The following FIG4 variants were observed in gnomAD, a reference collection of about 807,000 sequenced individuals.
FIG4 encodes the protein polyphosphoinositide phosphatase.
Under a neutral mutation model 118.6 loss-of-function variants are expected in FIG4, and 112 were observed. The observed-to-expected ratio is 0.94, with a 90% CI of 0.81 to 1.11. The LOEUF (loss-of-function observed/expected upper bound fraction) is 1.11. Ranked by LOEUF, FIG4 falls within the 50% of genes least tolerant of loss-of-function variation. The probability of loss-of-function intolerance (pLI) is 0.00; values close to 1 mark genes in which losing one functional copy is unlikely to be tolerated. For synonymous variants in FIG4, 369 were observed against 381.2 expected, an observed-to-expected ratio of 0.97 and a Z score of 0.37; for missense variants, 969 against 1,111.7, an observed-to-expected ratio of 0.87 and a Z score of 1.83.
intron 22 of FIG4, among the ~76,000 whole-genome samples, chr6:109,808,937 G>A (rs771052467): frequency 3.3e-5 from 5 of 152,112 alleles, no homozygotes; most frequent in Non-Finnish European, 7.3e-5. Context: ...ATATCTGGGT[G>A]AACCAGTATT....
chr6:109,790,041 T>C (rs1778094829), intron 19 of FIG4, among the ~76,000 whole-genome samples: 1 of 152,244 alleles, frequency 6.6e-6, no homozygotes, highest in Non-Finnish European at 1.5e-5. Flanking sequence ...GTTACGGAAC[T>C]TAATAGATTT....
chr6:109,721,665 T>C (rs1294805785), intron 3 of FIG4, among the ~76,000 whole-genome samples: 1 of 152,192 alleles, frequency 6.6e-6, no homozygotes, highest in Non-Finnish European at 1.5e-5. Flanking sequence ...CTTGTTCTGG[T>C]GTTCATCATG....
chr6:109,726,386 G>A (rs895208178), intron 3 of FIG4, among the ~76,000 whole-genome samples: 1 of 152,078 alleles, frequency 6.6e-6, no homozygotes, highest in Non-Finnish European at 1.5e-5. Context: ...TTTTTGTCAG[G>A]TTTGTCAAAG....
At chr6:109,817,719 C>T (rs1778899433) in intron 22 of FIG4, among the ~76,000 whole-genome samples, 2 of 152,132 alleles carry the variant, frequency 1.3e-5, no homozygotes, top group South Asian at 4.1e-4. Flanking sequence ...AGCAAACATA[C>T]ATGTGCTCAG....
chr6:109,767,049 G>A (rs1295461607), intron 15 of FIG4, among the ~76,000 whole-genome samples, 154 bp downstream of exon 15: 2 of 152,108 alleles, frequency 1.3e-5, no homozygotes, highest in East Asian at 3.8e-4. Flanking sequence ...GTAAATATTT[G>A]TCCAATAAAT....
intron 4 of FIG4, among the ~76,000 whole-genome samples, chr6:109,731,436 T>C (rs2128384944): frequency 6.6e-6 from 1 of 152,294 alleles, no homozygotes; most frequent in South Asian, 2.1e-4. Flanking sequence ...AGGAAGAACC[T>C]AATGGTCTAT....
chr6:109,725,959 TTG>T, intron 3 of FIG4, among the ~76,000 whole-genome samples: 1 of 152,320 alleles, frequency 6.6e-6, no homozygotes, highest in Admixed American at 6.5e-5. Context: ...TGTTTTTTTC[TTG>T]TAAATTTGTT....
Position 109,756,835 on chromosome 6 carries a change from G to A in FIG4, c.1138-3415G>A, listed in dbSNP as rs559407575. Among the ~76,000 whole-genome samples, 13 of 152,124 alleles carry A rather than the reference G, an allele frequency of 8.5e-5. No individual in the cohort carries two copies. In the South Asian group the frequency reaches 1.9e-3, roughly 22 times the overall value. ...TATTGGTTATTCTAGTTATACATTC[G>A]TTTAAATTTTTTTCAAAGTTTTCAA... On this transcript the variant is annotated intron_variant, in intron 10 of 22. Coordinates refer to ENST00000230124, the MANE Select transcript of FIG4 (RefSeq NM_014845.6).
rs1203034112 is a variant in FIG4 at position 109,776,993 on chromosome 6, T to C, written c.1822T>C (p.Trp608Arg). Residue 608 changes from tryptophan (W) to arginine (R), a missense_variant, in exon 16 of 23, where the codon TGG becomes CGG. Around this residue, in one of 3 missense-constraint regions of FIG4, gnomAD observed 246 missense variants for 354.3 expected, o/e 0.69. Transcript: ENST00000230124. ...TCCCACTGAAGGGAAACCTCATCTCTGGGAGCTCCCAACAGATTTTTATTT... is the reference window on the plus strand; with the variant it reads ...TCCCACTGAAGGGAAACCTCATCTCCGGGAGCTCCCAACAGATTTTTATTT... ...FHPTEGKPHL[W>R]ELPTDFYLHH... 2 of 1,613,368 alleles carry C rather than the reference T, an allele frequency of 1.2e-6. No homozygotes were observed. Among genetic ancestry groups the C allele is most frequent in the African/African-American group, 2.7e-5 (2 of 74,894 alleles).
intron 1 of FIG4, among the ~76,000 whole-genome samples, chr6:109,695,599 C>G (rs200846296): frequency 5.9e-4 from 86 of 145,596 alleles, no homozygotes; most frequent in African/African-American, 2.1e-3. Flanking sequence ...CACACACACA[C>G]AGACACACAC....
At chr6:109,764,923 TTG>T in intron 13 of FIG4, 88 bp from the exon 14 acceptor site, 1 of 1,240,460 alleles carries the variant, frequency 8.1e-7, no homozygotes, top group Admixed American at 1.8e-5. Context: ...GTTTTTGTTT[TTG>T]TTTTTGTTTC....
chr6:109,763,414 A>G (rs1333454863), intron 12 of FIG4, among the ~76,000 whole-genome samples: 2 of 152,226 alleles, frequency 1.3e-5, no homozygotes, highest in African/African-American at 4.8e-5. Context: ...TTTCATAACA[A>G]AACATATTCC....
At chr6:109,795,095 G>GTTTTTTTTTTTGTTT (rs1778241411) in intron 21 of FIG4, among the ~76,000 whole-genome samples, 1 of 57,250 alleles carries the variant, frequency 1.7e-5, no homozygotes, top group Non-Finnish European at 3.5e-5. Flanking sequence ...ACACTTGCCA[G>GTTTTTTTTTTTGTTT]TTTTTTTTTT....
At chr6:109,706,920 C>A (rs1775086220) in intron 1 of FIG4, among the ~76,000 whole-genome samples, 2 of 152,134 alleles carry the variant, frequency 1.3e-5, no homozygotes, top group South Asian at 4.2e-4. Flanking sequence ...TTGGTTACCC[C>A]CTCTCCTCTC....
chr6:109,723,838 G>A (rs993372296), intron 3 of FIG4, among the ~76,000 whole-genome samples: 3 of 152,210 alleles, frequency 2.0e-5, no homozygotes, highest in Non-Finnish European at 2.9e-5. Context: ...AAGTGGAGGA[G>A]CTTGGTCTAT....
chr6:109,806,083 T>G (rs1439894676), intron 22 of FIG4, among the ~76,000 whole-genome samples: 1 of 152,198 alleles, frequency 6.6e-6, no homozygotes, highest in African/African-American at 2.4e-5. Flanking sequence ...GTTTTGCACA[T>G]GCTTATCTGT....
intron 1 of FIG4, among the ~76,000 whole-genome samples, chr6:109,697,564 A>G (rs1774768071): frequency 6.6e-6 from 1 of 152,178 alleles, no homozygotes; most frequent in African/African-American, 2.4e-5. Context: ...AGAGAGAGTT[A>G]TGCAAGAGAA....
At chr6:109,797,196 C>T (rs1390251239) in intron 22 of FIG4, among the ~76,000 whole-genome samples, 3 of 152,146 alleles carry the variant, frequency 2.0e-5, no homozygotes, top group Admixed American at 1.3e-4. Flanking sequence ...GGATATGGAT[C>T]GATTTGTCTC....
In FIG4 at chr6:109,752,002, C is replaced by T. The variant is rs1463679696; in HGVS notation, c.1137+8230C>T. ...ATCCCTCCCCCCTCCCCCCACCCCACAACAGTCCCCAGAGTGTGATGTTCC... is the reference window on the plus strand; with the variant it reads ...ATCCCTCCCCCCTCCCCCCACCCCATAACAGTCCCCAGAGTGTGATGTTCC... On this transcript the variant is annotated intron_variant, in intron 10 of 22. Coordinates refer to ENST00000230124, the MANE Select transcript of FIG4 (RefSeq NM_014845.6). 1.0e-4 allele frequency among the ~76,000 whole-genome samples: 11 copies of T among 108,498 alleles called. No homozygotes were observed. In the South Asian group the frequency reaches 3.9e-3, roughly 39 times the overall value. 71.2% of individuals were successfully genotyped at this position (108,498 alleles called of 152,430 possible).
Sources: allele counts gnomAD v4.1 joint callset (sites outside exome capture counted in the v4.1 genomes callset), GRCh38; gene constraint gnomAD v4.1.1; regional missense constraint gnomAD v4.1.1; transcripts MANE v1.5; gene names NCBI Gene and HGNC (gene_info 2026-07-23, HGNC 2026-07-21).